CCSER2: variants seen among roughly 807,000 people sequenced by gnomAD.
CCSER2 encodes serine-rich coiled-coil domain-containing protein 2.
Under a neutral mutation model 92.3 loss-of-function variants are expected in CCSER2, and 46 were observed. The ratio of observed to expected loss-of-function variants is 0.50; its 90% confidence interval spans 0.39 to 0.64. The LOEUF (loss-of-function observed/expected upper bound fraction) is 0.64. Among genes scored for constraint, CCSER2 ranks in the 30% least tolerant of loss-of-function variants. The pLI, the probability that CCSER2 is intolerant of heterozygous loss-of-function variation, is 0.00. For synonymous variants in CCSER2, 433 were observed against 431.4 expected, an observed-to-expected ratio of 1.00 and a Z score of -0.04; for missense variants, 1,244 against 1,238.9, an observed-to-expected ratio of 1.00 and a Z score of -0.06.
chr10:84,405,439 T>A (rs745533297), intron 3 of CCSER2, among the ~76,000 whole-genome samples: 3 of 152,124 alleles, frequency 2.0e-5, no homozygotes, highest in Non-Finnish European at 4.4e-5. Flanking sequence ...AAAAGCATGA[T>A]CCATAAAAAA....
chr10:84,378,489 C>T (rs187126721), intron 3 of CCSER2, among the ~76,000 whole-genome samples: 197 of 140,178 alleles, frequency 1.4e-3, no homozygotes, highest in African/African-American at 5.0e-3. Context: ...GGCTGGAGTG[C>T]GATGGCGCAA....
intron 1 of CCSER2, among the ~76,000 whole-genome samples, chr10:84,330,163 C>T (rs187683908): frequency 6.6e-6 from 1 of 152,298 alleles, no homozygotes; most frequent in Admixed American, 6.5e-5. Context: ...TTTACAAGTC[C>T]TTCAGTGACT....
At chr10:84,340,994 A>G (rs1844144246) in intron 1 of CCSER2, among the ~76,000 whole-genome samples, 1 of 152,070 alleles carries the variant, frequency 6.6e-6, no homozygotes, top group Admixed American at 6.6e-5. Context: ...ATAGGAAAGA[A>G]AAACAGTGTT....
At chr10:84,457,837 G>A (rs2133634986) in intron 6 of CCSER2, among the ~76,000 whole-genome samples, 1 of 150,682 alleles carries the variant, frequency 6.6e-6, no homozygotes, top group Middle Eastern at 3.4e-3. Flanking sequence ...CACTTCCCTG[G>A]TTCAAGTGAT....
At chr10:84,392,554 G>A (rs1400798430) in intron 3 of CCSER2, among the ~76,000 whole-genome samples, 1 of 151,712 alleles carries the variant, frequency 6.6e-6, no homozygotes, top group Non-Finnish European at 1.5e-5. Context: ...TTTCCCACAT[G>A]ATGGGGCTTT....
At chr10:84,427,765 G>T (rs74850552) in intron 5 of CCSER2, among the ~76,000 whole-genome samples, 1 of 152,042 alleles carries the variant, frequency 6.6e-6, no homozygotes, top group Non-Finnish European at 1.5e-5. Context: ...TCATATCCTA[G>T]CAAACTCACA....
chr10:84,430,573 C>A (rs1843710339), intron 5 of CCSER2, among the ~76,000 whole-genome samples: 1 of 152,144 alleles, frequency 6.6e-6, no homozygotes, highest in Non-Finnish European at 1.5e-5. Context: ...CATAGCAGTT[C>A]TTTGGGAGTG....
intron 6 of CCSER2, among the ~76,000 whole-genome samples, chr10:84,451,949 A>G (rs753180234): frequency 2.0e-5 from 3 of 152,230 alleles, no homozygotes; most frequent in Non-Finnish European, 4.4e-5. Flanking sequence ...GTTGAATTTT[A>G]CAGTATTACT....
intron 3 of CCSER2, among the ~76,000 whole-genome samples, chr10:84,377,091 C>T (rs949734492): frequency 6.6e-6 from 1 of 151,890 alleles, no homozygotes; most frequent in African/African-American, 2.4e-5. Flanking sequence ...TGTTTGTATT[C>T]ATGTGTATAT....
chr10:84,345,938 C>A (rs1844450194), intron 1 of CCSER2, among the ~76,000 whole-genome samples: 1 of 152,154 alleles, frequency 6.6e-6, no homozygotes, highest in Admixed American at 6.5e-5. Context: ...TAGAGTAAGA[C>A]TTTCTACATA....
chr10:84,368,276 A>T (rs1057155216), intron 1 of CCSER2, among the ~76,000 whole-genome samples: 1 of 152,184 alleles, frequency 6.6e-6, no homozygotes, highest in African/African-American at 2.4e-5. Context: ...GCTGCCAGTC[A>T]TACTGTACCA....
At chr10:84,390,636 GCAGT>G (rs1486975542) in intron 3 of CCSER2, among the ~76,000 whole-genome samples, 3 of 152,180 alleles carry the variant, frequency 2.0e-5, no homozygotes, top group African/African-American at 7.2e-5. Flanking sequence ...AGTTTTATAT[GCAGT>G]CAGTCATTGA....
intron 5 of CCSER2, among the ~76,000 whole-genome samples, chr10:84,430,286 G>A (rs1401161599): frequency 1.3e-5 from 2 of 152,036 alleles, no homozygotes; most frequent in African/African-American, 4.8e-5. Flanking sequence ...TATTTCCTTG[G>A]CATGTACATA....
intron 1 of CCSER2, among the ~76,000 whole-genome samples, chr10:84,341,488 C>G (rs1180100533): frequency 1.3e-5 from 2 of 151,820 alleles, no homozygotes; most frequent in Non-Finnish European, 2.9e-5. Flanking sequence ...CACTTGGCCA[C>G]ACAGCACCTC....
intron 6 of CCSER2, among the ~76,000 whole-genome samples, chr10:84,452,647 C>G (rs573011519): frequency 6.6e-6 from 1 of 152,176 alleles, no homozygotes; most frequent in Non-Finnish European, 1.5e-5. Flanking sequence ...ATTTTTTGTA[C>G]TATTTTTGCT....
Position 84,371,591 on chromosome 10 carries a change from G to C in CCSER2, c.539G>C (p.Arg180Pro). 3 of 1,613,582 alleles carry C rather than the reference G, an allele frequency of 1.9e-6. No homozygotes were observed. The highest frequency in any genetic ancestry group is 2.5e-6 in the Non-Finnish European group (3 of 1,179,762). ...KSQLNGFYGN[R>P]SAGSMQRPRA... ...CAGTTGAATGGATTTTATGGAAACC[G>C]ATCAGCTGGTAGCATGCAAAGGCCT... Residue 180 changes from arginine to proline, a missense_variant, in exon 2 of 10, where the codon CGA (arginine) becomes CCA (proline). Arg to Pro is a moderately radical substitution (Grantham distance 103, BLOSUM62 -2). Coordinates refer to ENST00000372088, the MANE Select transcript of CCSER2 (RefSeq NM_001284240.2).
chr10:84,484,331 T>A (rs936786738), intron 9 of CCSER2, among the ~76,000 whole-genome samples: 18 of 152,026 alleles, frequency 1.2e-4, no homozygotes, highest in African/African-American at 3.4e-4. Context: ...CAGGCTGGTC[T>A]TGAACTCCTG....
At chr10:84,373,908 T>G (rs778146110) in intron 3 of CCSER2, 93 bp downstream of exon 3, 5 of 1,554,454 alleles carry the variant, frequency 3.2e-6, no homozygotes, top group Non-Finnish European at 4.4e-6. Flanking sequence ...ATTTATGAAT[T>G]AACTTTACTA....
At chr10:84,348,093 A>AAGGC (rs1844632332) in intron 1 of CCSER2, among the ~76,000 whole-genome samples, 1 of 152,212 alleles carries the variant, frequency 6.6e-6, no homozygotes. Context: ...TTGGGAGGCC[A>AAGGC]AGGCAGGCGG....
Sources: allele counts gnomAD v4.1 joint callset (sites outside exome capture counted in the v4.1 genomes callset), GRCh38; gene constraint gnomAD v4.1.1; transcripts MANE v1.5; gene names NCBI Gene and HGNC (gene_info 2026-07-23, HGNC 2026-07-21).